AHNAK2: variants seen among roughly 807,000 people sequenced by gnomAD.
The protein encoded by AHNAK2 is protein AHNAK2.
A neutral mutation model predicts 30.7 loss-of-function variants in AHNAK2; 18 were observed. That is an observed-to-expected ratio of 0.59 (90% CI 0.41 to 0.87). The LOEUF (loss-of-function observed/expected upper bound fraction) is 0.87. Ranked by LOEUF, AHNAK2 falls within the 40% of genes least tolerant of loss-of-function variation. The pLI is 0.00. For synonymous variants in AHNAK2, 3,590 were observed against 3,073.8 expected, an observed-to-expected ratio of 1.17 and a Z score of -5.56; for missense variants, 8,604 against 7,373.0, an observed-to-expected ratio of 1.17 and a Z score of -6.11.
At chr14:104,975,198 C>T (rs1003994807) in intron 1 of AHNAK2, among the ~76,000 whole-genome samples, 17 of 152,192 alleles carry the variant, frequency 1.1e-4, no homozygotes, top group African/African-American at 3.6e-4. Context: ...TGGAGAAGGC[C>T]GGGAGGGAGC....
In AHNAK2 at chr14:104,950,306, C is replaced by A. The variant is rs773947834; in HGVS notation, c.5145G>T (p.Leu1715=). 147 of 1,585,290 alleles carry A rather than the reference C, an allele frequency of 9.3e-5. 17 individuals are homozygous for A. The highest frequency in any genetic ancestry group is 1.2e-4 in the Non-Finnish European group (134 of 1,162,664). ...CGTTCACTTGGCCAGCCTGGACCTC[C>A]AGGTCGGCGGAAGGGGACTGAATGC... The part of the protein sequence containing the change: ...DLSIQSPSAD[L]EVQAGQVNVK... The change falls in exon 7 of 7, where the codon CTG becomes CTT. Residue 1715 remains leucine (L), a synonymous_variant. Coordinates refer to ENST00000333244, the MANE Select transcript of AHNAK2 (RefSeq NM_138420.4).
rs187148641 is a variant in AHNAK2 at position 104,948,440 on chromosome 14, G to C, written c.7011C>G (p.Ile2337Met). The change falls in exon 7 of 7, where the codon ATC becomes ATG. Residue 2337 changes from isoleucine (I) to methionine (M), a missense_variant. Transcript: ENST00000333244. ...ACGCAGACACATCCGCTGAGGCCTC[G>C]ATGGACTTGCCAAGGGCAGACACCC... ...SFGVSALGKS[I>M]EASADVSALK... The C allele has an allele frequency of 1.2e-4, 200 of 1,610,692 alleles. 1 individual carries two copies. The highest frequency in any genetic ancestry group is 2.3e-4 in the African/African-American group (17 of 73,786).
chr14:104,953,706 A>T lies in AHNAK2; in HGVS notation c.1745T>A (p.Met582Lys), dbSNP rs367824163. Residue 582 changes from methionine to lysine, a missense_variant, in exon 7 of 7, where the codon ATG (methionine) becomes AAG (lysine). Transcript: ENST00000333244. ...TAAGGAGGGTATCTTGAACTTGGGC[A>T]TTCTTATCTGTCCTTCTGTGTCTTC... ...GREDTEGQIR[M>K]PKFKIPSLGW... is the part of the protein sequence containing the mutation. 35 of 1,613,640 alleles carry T rather than the reference A, an allele frequency of 2.2e-5. No individual in the cohort carries two copies. Among genetic ancestry groups the T allele is most frequent in the Non-Finnish European group, 2.9e-5 (34 of 1,179,882 alleles).
chr14:104,958,614 G>A (rs1428344862), intron 1 of AHNAK2, among the ~76,000 whole-genome samples: 1 of 152,032 alleles, frequency 6.6e-6, no homozygotes, highest in Admixed American at 6.6e-5. Context: ...TACTACTGGG[G>A]TTCACCAACA....
In AHNAK2 at chr14:104,950,671, G is replaced by C. The variant is rs767424609; in HGVS notation, c.4780C>G (p.Pro1594Ala). The C allele has an allele frequency of 3.0e-5, 47 of 1,586,938 alleles. 3 individuals carry two copies. The highest frequency in any genetic ancestry group is 3.3e-4 in the Middle Eastern group (2 of 6,024). ...TTGGGGCCCTTAACATCTATCTGGG[G>C]CCCCTTGAGGTCCACTTTGGGCATC... ...FKMPKVDLKG[P>A]QIDVKGPKLD... is the part of the protein sequence containing the mutation. The change falls in exon 7 of 7, where the codon CCC (proline) becomes GCC (alanine). Residue 1594 changes from proline to alanine, a missense_variant. Transcript: ENST00000333244.
chr14:104,957,766 G>T, intron 1 of AHNAK2, 94 bp from the exon 2 acceptor site: 1 of 1,282,800 alleles, frequency 7.8e-7, no homozygotes, highest in Non-Finnish European at 1.1e-6. Flanking sequence ...ACACTGTGGA[G>T]GTGTCATAGT....
Position 104,947,922 on chromosome 14 carries a change from G to T in AHNAK2, c.7529C>A (p.Ala2510Glu), listed in dbSNP as rs370061695. 79 of 1,611,650 alleles carry T rather than the reference G, an allele frequency of 4.9e-5. No individual in the cohort carries two copies. Among genetic ancestry groups the T allele is most frequent in the African/African-American group, 3.5e-4 (26 of 74,016 alleles). ...GCTCCCGTCGGCCTCCACCTTCGGCGCAGACACATCCACCGAGGCCTCGAT... is the reference window on the plus strand; with the variant it reads ...GCTCCCGTCGGCCTCCACCTTCGGCTCAGACACATCCACCGAGGCCTCGAT... ...KSIEASVDVS[A>E]PKVEADGSLS... The change falls in exon 7 of 7, where the codon GCG becomes GAG. Residue 2510 changes from alanine to glutamate, a missense_variant. Physicochemically the swap from Ala to Glu is moderately radical, Grantham distance 107. Coordinates refer to ENST00000333244, the MANE Select transcript of AHNAK2 (RefSeq NM_138420.4).
At chr14:104,965,995 C>T (rs555199028) in intron 1 of AHNAK2, among the ~76,000 whole-genome samples, 4 of 152,182 alleles carry the variant, frequency 2.6e-5, no homozygotes, top group Non-Finnish European at 4.4e-5. Context: ...CCTCTGCCTG[C>T]GCGGGCCCCT....
intron 4 of AHNAK2, among the ~76,000 whole-genome samples, chr14:104,956,090 G>A (rs149408633): frequency 4.5e-4 from 68 of 152,204 alleles, no homozygotes; most frequent in African/African-American, 1.5e-3. Context: ...GCGAGACCTG[G>A]GACAGGATGG....
Position 104,950,011 on chromosome 14 carries a change from T to C in AHNAK2, c.5440A>G (p.Lys1814Glu), listed in dbSNP as rs1566912909. 6.3e-7 allele frequency: 1 copy of C among 1,587,196 alleles called. No homozygotes were observed. Residue 1814 changes from lysine (K) to glutamate (E), a missense_variant, in exon 7 of 7, where the codon AAG becomes GAG. Lys to Glu is a moderately conservative substitution (Grantham distance 56). Coordinates refer to ENST00000333244, the MANE Select transcript of AHNAK2 (RefSeq NM_138420.4). ...TTGCTGTCTTTGGCAGTCACATCCT[T>C]GTCGGCCAGGGACAGGTCACCCTCC... The part of the protein sequence containing the change: ...RLEGDLSLAD[K>E]DVTAKDSKFK...
At position 104,942,822 on chromosome 14, in the gene AHNAK2, G is replaced by T. The variant is rs202233797; in HGVS notation, c.12629C>A (p.Ala4210Asp). 1.6e-4 allele frequency: 257 copies of T among 1,612,982 alleles called. 1 individual carries two copies. In the African/African-American group the frequency reaches 2.7e-3, roughly 17 times the overall value. The change falls in exon 7 of 7, where the codon GCC (alanine) becomes GAC (aspartate). Residue 4210 changes from alanine to aspartate, a missense_variant. Coordinates refer to ENST00000333244, the MANE Select transcript of AHNAK2 (RefSeq NM_138420.4). ...KLPEGPLPKG[A>D]GLKGHLPKVQ... Reference sequence around the variant, plus strand: ...CTTGGGGAGGTGCCCTTTGAGGCCGGCTCCCTTGGGCAGGGGGCCCTCCGG... The same window carrying T: ...CTTGGGGAGGTGCCCTTTGAGGCCGTCTCCCTTGGGCAGGGGGCCCTCCGG...
chr14:104,949,571 G>A lies in AHNAK2; in HGVS notation c.5880C>T (p.Ala1960=), dbSNP rs552655184. 3 of 1,587,888 alleles carry A rather than the reference G, an allele frequency of 1.9e-6. 1 individual carries two copies. The highest frequency in any genetic ancestry group is 2.6e-6 in the Non-Finnish European group (3 of 1,163,104). The change falls in exon 7 of 7, where the codon GCC becomes GCT. Residue 1960 remains alanine, a synonymous_variant. Coordinates refer to ENST00000333244, the MANE Select transcript of AHNAK2 (RefSeq NM_138420.4). Reference sequence around the variant, plus strand: ...GCGCACCATCCAGCTTAGCCTTCTGGGCCTGGACATCCACCTCCATGCTGG... The same window carrying A: ...GCGCACCATCCAGCTTAGCCTTCTGAGCCTGGACATCCACCTCCATGCTGG... ...SLPSMEVDVQ[A]QKAKLDGARL... is the part of the protein sequence containing the mutation.
At chr14:104,956,266 T>C (rs1898972609) in intron 4 of AHNAK2, among the ~76,000 whole-genome samples, 2 of 152,132 alleles carry the variant, frequency 1.3e-5, no homozygotes, top group Admixed American at 1.3e-4. Context: ...AGCTTGAATA[T>C]GCAACAGACA....
chr14:104,948,217 G>T lies in AHNAK2; in HGVS notation c.7234C>A (p.Pro2412Thr). 1 of 1,612,488 alleles carries T rather than the reference G, an allele frequency of 6.2e-7. No homozygotes were observed. The highest frequency in any genetic ancestry group is 8.5e-7 in the Non-Finnish European group (1 of 1,179,528). ...PKLQMPSFKM[P>T]KVDLKGPQID... ...TGGGGGCCCTTGAGATCTACTTTGGGCATCTTGAAACTGGGCATCTGCAGC... is the reference window on the plus strand; with the variant it reads ...TGGGGGCCCTTGAGATCTACTTTGGTCATCTTGAAACTGGGCATCTGCAGC... The change falls in exon 7 of 7, where the codon CCC becomes ACC. Residue 2412 changes from proline (P) to threonine (T), a missense_variant. Physicochemically the swap from Pro to Thr is conservative, Grantham distance 38 (BLOSUM62 -1). Coordinates refer to ENST00000333244, the MANE Select transcript of AHNAK2 (RefSeq NM_138420.4).
At chr14:104,957,095 A>G (rs932865148) in intron 3 of AHNAK2, among the ~76,000 whole-genome samples, 3 of 152,226 alleles carry the variant, frequency 2.0e-5, no homozygotes, top group African/African-American at 7.2e-5. Flanking sequence ...CAAAGACAGC[A>G]TGAGTGTGTT....
chr14:104,958,497 A>T (rs570583909), intron 1 of AHNAK2, among the ~76,000 whole-genome samples: 27 of 152,338 alleles, frequency 1.8e-4, no homozygotes, highest in African/African-American at 4.8e-4. Flanking sequence ...AATCATGTTT[A>T]AAAAATTAAT....
rs775699110 is a variant in AHNAK2 at position 104,941,513 on chromosome 14, G to A, written c.13938C>T (p.Ser4646=). 2 of 1,613,002 alleles carry A rather than the reference G, an allele frequency of 1.2e-6. No individual in the cohort carries two copies. The highest frequency in any genetic ancestry group is 1.1e-5 in the South Asian group (1 of 91,078). Residue 4646 remains serine, a synonymous_variant, in exon 7 of 7, where the codon TCC becomes TCT. Coordinates refer to ENST00000333244, the MANE Select transcript of AHNAK2 (RefSeq NM_138420.4). ...SGFEWSSKKV[S]MSSSEIEGNV... is the part of the protein sequence containing the mutation. ...TTCCTTCGATTTCAGAGGAAGACAT[G>A]GAAACTTTCTTTGACGACCATTCAA...
rs1051080225 is a variant in AHNAK2, at chr14:104,973,849, G to A, written c.55+4334C>T. Among the ~76,000 whole-genome samples, 10 of 152,330 alleles carry A rather than the reference G, an allele frequency of 6.6e-5. No homozygotes were observed. In the East Asian group the frequency reaches 9.6e-4, roughly 15 times the overall value. Reference sequence around the variant, plus strand: ...AAGCACACATTGGGTCAGCAGGTCCGAGTGCGCAGCAGAGCTGGCAGGGCA... The same window carrying A: ...AAGCACACATTGGGTCAGCAGGTCCAAGTGCGCAGCAGAGCTGGCAGGGCA... On this transcript the variant is annotated intron_variant, in intron 1 of 6. Transcript: ENST00000333244.
intron 1 of AHNAK2, among the ~76,000 whole-genome samples, chr14:104,961,926 T>C (rs764348301): frequency 6.6e-6 from 1 of 152,136 alleles, no homozygotes; most frequent in Non-Finnish European, 1.5e-5. Context: ...TGAGCCAAGC[T>C]CATGCCACTG....
Sources: gnomAD v4.1 joint callset for allele counts (sites outside exome capture counted in the v4.1 genomes callset) on GRCh38, gnomAD v4.1.1 for gene constraint, MANE v1.5 for transcripts, NCBI Gene and HGNC (gene_info 2026-07-23, HGNC 2026-07-21) for gene names.